Variants in FHIT observed in about 807,000 individuals in gnomAD.
FHIT encodes the protein fragile histidine triad diadenosine triphosphatase.
A neutral mutation model predicts 17.9 loss-of-function variants in FHIT; 19 were observed. The observed-to-expected ratio is 1.06, with a 90% CI of 0.74 to 1.56. The LOEUF is 1.56. FHIT is among the 40% of genes most tolerant of loss of function. FHIT has a pLI of 0.00. For synonymous variants in FHIT, 81 were observed against 69.7 expected (o/e 1.16, Z -0.81); for missense variants, 248 against 189.2 (o/e 1.31, Z -1.82).
At chr3:59,820,822 A>G (rs1700760370) in intron 8 of FHIT, among the ~76,000 whole-genome samples, 2 of 152,158 alleles carry the variant, frequency 1.3e-5, no homozygotes, top group African/African-American at 4.8e-5. Context: ...GAAAAGAACA[A>G]TGTGCGAGAC....
chr3:59,986,908 T>C (rs1429237054), intron 7 of FHIT, among the ~76,000 whole-genome samples: 4 of 119,844 alleles, frequency 3.3e-5, no homozygotes, highest in African/African-American at 9.6e-5. Context: ...TTATATTATA[T>C]ATTAAAAATA....
intron 5 of FHIT, among the ~76,000 whole-genome samples, chr3:60,021,416 G>C (rs1006154062): frequency 3.3e-5 from 5 of 152,134 alleles, no homozygotes; most frequent in African/African-American, 1.2e-4. Context: ...ATAGCATTCT[G>C]GTACAGATTC....
intron 5 of FHIT, among the ~76,000 whole-genome samples, chr3:60,343,078 C>T (rs961546678): frequency 3.3e-5 from 5 of 152,230 alleles, no homozygotes; most frequent in Admixed American, 6.5e-5. Flanking sequence ...TTTGCATATC[C>T]TGGTTTTTAA....
chr3:60,496,148 A>T (rs2034291490), intron 5 of FHIT, among the ~76,000 whole-genome samples: 1 of 152,144 alleles, frequency 6.6e-6, no homozygotes, highest in South Asian at 2.1e-4. Flanking sequence ...ATTTCATTAT[A>T]CTAAACATTT....
intron 4 of FHIT, among the ~76,000 whole-genome samples, chr3:60,794,700 A>G (rs1264626547): frequency 6.6e-6 from 1 of 152,182 alleles, no homozygotes; most frequent in African/African-American, 2.4e-5. Context: ...ATAATCTGAT[A>G]AATTGTTTAT....
At chr3:60,356,751 G>T (rs868633306) in intron 5 of FHIT, among the ~76,000 whole-genome samples, 2 of 4,792 alleles carry the variant, frequency 4.2e-4, no homozygotes. Context: ...GGAAGACAGA[G>T]ACAAAAAAAA....
At chr3:59,844,743 T>C (rs927699541) in intron 8 of FHIT, among the ~76,000 whole-genome samples, 7 of 152,340 alleles carry the variant, frequency 4.6e-5, no homozygotes, top group Admixed American at 2.6e-4. Context: ...TGAAGATTTT[T>C]GTAGCAATGT....
At chr3:60,156,350 A>C (rs1309240945) in intron 5 of FHIT, among the ~76,000 whole-genome samples, 1 of 128,346 alleles carries the variant, frequency 7.8e-6, no homozygotes, top group Non-Finnish European at 1.6e-5. Flanking sequence ...ACTCTGTCTC[A>C]AAAAAAAAAA....
At chr3:60,312,093 AC>A (rs1708975555) in intron 5 of FHIT, among the ~76,000 whole-genome samples, 1 of 152,154 alleles carries the variant, frequency 6.6e-6, no homozygotes, top group South Asian at 2.1e-4. Flanking sequence ...GTTTGGTGAA[AC>A]CTTTAATTAT....
intron 8 of FHIT, among the ~76,000 whole-genome samples, chr3:59,837,274 C>T (rs191492154): frequency 3.9e-5 from 6 of 152,230 alleles, no homozygotes; most frequent in East Asian, 1.9e-4. Context: ...CCAAAATGCA[C>T]GGATGTTCAG....
chr3:60,329,276 C>G (rs546481958), intron 5 of FHIT, among the ~76,000 whole-genome samples: 56 of 152,080 alleles, frequency 3.7e-4, no homozygotes, highest in African/African-American at 1.3e-3. Flanking sequence ...TGTTCTCTAG[C>G]TGAGTGTTCT....
At chr3:60,346,391 C>G (rs1293277603) in intron 5 of FHIT, among the ~76,000 whole-genome samples, 2 of 152,150 alleles carry the variant, frequency 1.3e-5, no homozygotes, top group African/African-American at 4.8e-5. Flanking sequence ...CTAATAATGA[C>G]AGCTCTTGTC....
chr3:60,991,267 A>G (rs1428834764), intron 3 of FHIT, among the ~76,000 whole-genome samples: 1 of 152,194 alleles, frequency 6.6e-6, no homozygotes, highest in Non-Finnish European at 1.5e-5. Context: ...TTGTTCAAGA[A>G]CAGATGAAGT....
At chr3:61,211,785 G>A (rs1024961889) in intron 1 of FHIT, among the ~76,000 whole-genome samples, 5 of 152,192 alleles carry the variant, frequency 3.3e-5, no homozygotes, top group African/African-American at 1.2e-4. Flanking sequence ...ACCTCACACG[G>A]CCGGGTACTC....
chr3:60,123,985 TATATATATATATATATATATATATAGAG>T (rs1360295667), intron 5 of FHIT, among the ~76,000 whole-genome samples: 45 of 47,466 alleles, frequency 9.5e-4, no homozygotes, highest in Non-Finnish European at 1.4e-3. Flanking sequence ...TATATATATA[TATATATATATATATATATATATATAGAG>T]AGAGAGAGAG....
Position 59,958,913 on chromosome 3 carries a change from C to G in FHIT, c.280-36499G>C, listed in dbSNP as rs144857900. On this transcript the variant is annotated intron_variant, in intron 7 of 9. Coordinates refer to ENST00000492590, the MANE Select transcript of FHIT (RefSeq NM_002012.4). ...CAGTATCAGGATTCAAAGCAGCAAC[C>G]TCTGTCATTACAATCATGTGTCGCT... is the stretch of plus-strand genomic sequence containing the variant. 3.3e-5 allele frequency among the ~76,000 whole-genome samples: 5 copies of G among 152,314 alleles called. No individual in the cohort carries two copies. The East Asian group carries it at 9.6e-4, about 29-fold the overall frequency.
At chr3:60,687,773 C>T (rs1465090810) in intron 4 of FHIT, among the ~76,000 whole-genome samples, 1 of 152,104 alleles carries the variant, frequency 6.6e-6, no homozygotes, top group African/African-American at 2.4e-5. Flanking sequence ...TACAACAATT[C>T]TACTTCCATC....
intron 7 of FHIT, among the ~76,000 whole-genome samples, chr3:59,956,364 T>C (rs192318461): frequency 1.1e-4 from 16 of 151,976 alleles, no homozygotes; most frequent in Admixed American, 7.9e-4. Context: ...CAAGACCTAT[T>C]TGCCAAAAAA....
chr3:60,984,541 T>C (rs1710637342), intron 3 of FHIT, among the ~76,000 whole-genome samples: 1 of 152,204 alleles, frequency 6.6e-6, no homozygotes, highest in Non-Finnish European at 1.5e-5. Flanking sequence ...CTGGATCTGA[T>C]ATTTAAGCCT....
Sources: allele counts gnomAD v4.1 joint callset (sites outside exome capture counted in the v4.1 genomes callset), GRCh38; gene constraint gnomAD v4.1.1; transcripts MANE v1.5; gene names NCBI Gene and HGNC (gene_info 2026-07-23, HGNC 2026-07-21).